XYLT1: variants seen among roughly 807,000 people sequenced by gnomAD.
XYLT1 encodes xylosyltransferase 1, also known as beta-D-xylosyltransferase 1.
XYLT1 carries 36 observed loss-of-function variants against 91.3 expected under a neutral mutation model. The observed-to-expected ratio is 0.39, with a 90% CI of 0.30 to 0.52. The LOEUF (loss-of-function observed/expected upper bound fraction) is 0.52. Among genes scored for constraint, XYLT1 ranks in the 20% least tolerant of loss-of-function variants. XYLT1 has a pLI of 0.68. For missense variants in XYLT1, 1,242 were observed against 1,284.5 expected (o/e 0.97, Z 0.51); for synonymous variants, 588 against 532.0 (o/e 1.11, Z -1.45).
chr16:17,359,965 G>T (rs2035359191), intron 1 of XYLT1, among the ~76,000 whole-genome samples: 1 of 152,184 alleles, frequency 6.6e-6, no homozygotes, highest in South Asian at 2.1e-4. Flanking sequence ...CCTGGTCTGT[G>T]GGTGGCAGCA....
chr16:17,132,349 T>C (rs191959369), intron 9 of XYLT1, among the ~76,000 whole-genome samples: 253 of 152,008 alleles, frequency 1.7e-3, no homozygotes, highest in Non-Finnish European at 3.2e-3. Context: ...ATAGAGGAGG[T>C]GGTCCTTGGA....
chr16:17,138,176 C>CTGAAGTT, intron 8 of XYLT1, 179 bp downstream of exon 8: 1 of 685,420 alleles, frequency 1.5e-6, no homozygotes, highest in Non-Finnish European at 2.4e-6. Flanking sequence ...TAGAACATCC[C>CTGAAGTT]TGAAGTAAGT....
intron 4 of XYLT1, among the ~76,000 whole-genome samples, chr16:17,199,105 G>T (rs2032485772): frequency 6.6e-6 from 1 of 152,154 alleles, no homozygotes; most frequent in Non-Finnish European, 1.5e-5. Context: ...TGGGAAATAT[G>T]GCTCCATCTA....
At chr16:17,276,955 G>A (rs115373704) in intron 2 of XYLT1, among the ~76,000 whole-genome samples, 3 of 152,284 alleles carry the variant, frequency 2.0e-5, no homozygotes, top group African/African-American at 7.2e-5. Flanking sequence ...TTAATAAAAG[G>A]TAGCGGTTAC....
At chr16:17,129,592 T>G (rs888383644) in intron 9 of XYLT1, among the ~76,000 whole-genome samples, 5 of 152,166 alleles carry the variant, frequency 3.3e-5, no homozygotes, top group Non-Finnish European at 7.3e-5. Context: ...CATAGGATTT[T>G]GGGGAACAGG....
At position 17,470,762 on chromosome 16, in the gene XYLT1, C is replaced by T. The variant is rs1212381798; in HGVS notation, c.35G>A (p.Arg12Gln). The change falls in exon 1 of 12, where the codon CGG becomes CAG. Residue 12 changes from arginine (R) to glutamine (Q), a missense_variant. This residue lies in a region of XYLT1 where 437 missense variants were observed against 411.5 expected (regional missense o/e 1.06). Transcript: ENST00000261381. Reference sequence around the variant, plus strand: ...CGCGAGCAGCGCCGAGTGCGAGCGCCGGGCCAGCCTCCGGGCGCACGGCGC... The same window carrying T: ...CGCGAGCAGCGCCGAGTGCGAGCGCTGGGCCAGCCTCCGGGCGCACGGCGC... ...VAAPCARRLA[R>Q]RSHSALLAAL... is the part of the protein sequence containing the mutation. 1.9e-6 allele frequency: 2 copies of T among 1,081,054 alleles called. No homozygotes were observed. The highest frequency in any genetic ancestry group is 1.1e-6 in the Non-Finnish European group (1 of 884,942). 67.0% of individuals were successfully genotyped at this position (1,081,054 alleles called of 1,614,324 possible).
At chr16:17,153,879 C>T (rs1483415195) in intron 6 of XYLT1, among the ~76,000 whole-genome samples, 2 of 152,184 alleles carry the variant, frequency 1.3e-5, no homozygotes, top group Non-Finnish European at 2.9e-5. Flanking sequence ...TTCATCTGCA[C>T]ACCTCGAGAG....
At chr16:17,183,018 G>C (rs2032104638) in intron 5 of XYLT1, among the ~76,000 whole-genome samples, 1 of 152,186 alleles carries the variant, frequency 6.6e-6, no homozygotes, top group African/African-American at 2.4e-5. Context: ...CGTAGTGTTG[G>C]CATCCTTGGG....
At chr16:17,207,758 C>G (rs80354475) in intron 3 of XYLT1, among the ~76,000 whole-genome samples, 3,382 of 152,148 alleles carry the variant, frequency 0.022, 55 homozygotes, top group Non-Finnish European at 0.033. Flanking sequence ...GCTGCTCATG[C>G]GGGGCCACCA....
At chr16:17,375,874 C>A (rs114731209) in intron 1 of XYLT1, among the ~76,000 whole-genome samples, 5 of 152,260 alleles carry the variant, frequency 3.3e-5, no homozygotes, top group Non-Finnish European at 5.9e-5. Context: ...CAGACTTGAA[C>A]GGCTGGAGCC....
At chr16:17,329,372 A>T (rs1263800543) in intron 2 of XYLT1, among the ~76,000 whole-genome samples, 1 of 152,244 alleles carries the variant, frequency 6.6e-6, no homozygotes, top group Non-Finnish European at 1.5e-5. Context: ...ATTGCTGCGT[A>T]ACTGTAAACA....
chr16:17,277,804 C>T (rs775852897), intron 2 of XYLT1, among the ~76,000 whole-genome samples: 1 of 152,116 alleles, frequency 6.6e-6, no homozygotes, highest in Non-Finnish European at 1.5e-5. Context: ...AGGATAATGG[C>T]CTCCAGCTGC....
rs893124544 is a variant in XYLT1, at chr16:17,384,294, C to T, written c.364-26244G>A. Among the ~76,000 whole-genome samples, 22 of 151,518 alleles carry T rather than the reference C, an allele frequency of 1.5e-4. No individual in the cohort carries two copies. In the Admixed American group the frequency reaches 1.5e-3, roughly 10 times the overall value. On this transcript the variant is annotated intron_variant, in intron 1 of 11. Transcript: ENST00000261381. ...AATCCCAGGTAAGTAGGTGGTTTTG[C>T]CAATTTCTTCTCCTTTAGTCCCACC... is the stretch of plus-strand genomic sequence containing the variant.
intron 1 of XYLT1, 55 bp from the exon 2 acceptor site, chr16:17,358,105 ACC>A (rs1555499905): frequency 6.7e-6 from 10 of 1,499,696 alleles, no homozygotes; most frequent in African/African-American, 5.7e-5. Context: ...TTAACTTACT[ACC>A]CCAGCATCTT....
At chr16:17,454,907 C>A (rs1169798524) in intron 1 of XYLT1, among the ~76,000 whole-genome samples, 2 of 66,598 alleles carry the variant, frequency 3.0e-5, no homozygotes, top group Admixed American at 1.4e-4. Flanking sequence ...CTTTCCTCCC[C>A]CCCCCGCCCC....
intron 2 of XYLT1, among the ~76,000 whole-genome samples, chr16:17,357,545 T>C (rs576313113): frequency 4.6e-5 from 7 of 152,250 alleles, no homozygotes; most frequent in South Asian, 2.1e-4. Context: ...TCACAATTCC[T>C]CAGAATGGCC....
intron 3 of XYLT1, among the ~76,000 whole-genome samples, chr16:17,211,893 G>C (rs954434180): frequency 8.5e-5 from 13 of 152,190 alleles, no homozygotes; most frequent in Admixed American, 8.5e-4. Context: ...GGAGGGGACT[G>C]TCCTGCGCAC....
intron 3 of XYLT1, among the ~76,000 whole-genome samples, chr16:17,219,063 C>G (rs891414447): frequency 1.3e-5 from 2 of 151,920 alleles, no homozygotes; most frequent in Non-Finnish European, 2.9e-5. Context: ...GGGTGGATCA[C>G]CTGAGGTCAA....
chr16:17,259,230 G>A lies in XYLT1; in HGVS notation c.671C>T (p.Ala224Val), dbSNP rs2033683048. 1 of 1,613,934 alleles carries A rather than the reference G, an allele frequency of 6.2e-7. No homozygotes were observed. The highest frequency in any genetic ancestry group is 1.3e-5 in the African/African-American group (1 of 74,896). Residue 224 changes from alanine to valine, a missense_variant, in exon 3 of 12, where the codon GCA becomes GTA. Physicochemically the swap from Ala to Val is moderately conservative, Grantham distance 64. This residue lies in a region of XYLT1 where 437 missense variants were observed against 411.5 expected (regional missense o/e 1.06). Transcript: ENST00000261381. ...GEVLPPGDRA[A>V]ANSSHGKDVS... is the part of the protein sequence containing the mutation. Reference sequence around the variant, plus strand: ...ATCCTTCCCGTGGCTGCTGTTGGCTGCGGCTCTGTCCCCGGGAGGCAGCAC... The same window carrying A: ...ATCCTTCCCGTGGCTGCTGTTGGCTACGGCTCTGTCCCCGGGAGGCAGCAC...
Sources: gnomAD v4.1 joint callset for allele counts (sites outside exome capture counted in the v4.1 genomes callset) on GRCh38, gnomAD v4.1.1 for gene constraint, gnomAD v4.1.1 regional missense constraint, MANE v1.5 for transcripts, NCBI Gene and HGNC (gene_info 2026-07-23, HGNC 2026-07-21) for gene names.